Variants in EYS observed in about 807,000 individuals in gnomAD.
EYS encodes the protein protein eyes shut homolog.
EYS carries 250 observed loss-of-function variants against 282.1 expected under a neutral mutation model. The observed-to-expected ratio is 0.89, with a 90% CI of 0.80 to 0.98. EYS has a LOEUF of 0.98. Among genes scored for constraint, EYS ranks in the 50% least tolerant of loss-of-function variants. The probability of loss-of-function intolerance (pLI) is 0.00; values close to 1 mark genes in which losing one functional copy is unlikely to be tolerated. For synonymous variants in EYS, 1,355 were observed against 1,282.9 expected (o/e 1.06, Z -1.20); for missense variants, 4,016 against 3,709.0 (o/e 1.08, Z -2.15).
chr6:64,348,444 C>A (rs1352658271), intron 29 of EYS, among the ~76,000 whole-genome samples: 1 of 1,320 alleles, frequency 7.6e-4, no homozygotes, highest in East Asian at 0.5. Flanking sequence ...GAAGCCACTC[C>A]CATGGAAGTA....
intron 40 of EYS, among the ~76,000 whole-genome samples, chr6:63,774,316 C>T (rs1770006856): frequency 1.3e-5 from 2 of 151,926 alleles, no homozygotes; most frequent in Admixed American, 1.3e-4. Context: ...TTACAGGCAC[C>T]CACCACCACA....
intron 15 of EYS, among the ~76,000 whole-genome samples, chr6:64,941,321 A>G (rs1769083629): frequency 6.6e-6 from 1 of 152,084 alleles, no homozygotes; most frequent in Admixed American, 6.6e-5. Flanking sequence ...TGGAGGTTGC[A>G]GTGAGCCAAG....
At chr6:64,038,848 G>A (rs1159046452) in intron 33 of EYS, among the ~76,000 whole-genome samples, 2 of 150,132 alleles carry the variant, frequency 1.3e-5, no homozygotes, top group Non-Finnish European at 3.0e-5. Context: ...TCTGTAGCCC[G>A]GGCTGGAGTG....
intron 35 of EYS, among the ~76,000 whole-genome samples, chr6:63,946,750 C>A (rs1454696483): frequency 7.3e-6 from 1 of 136,132 alleles, no homozygotes. Flanking sequence ...TTTTTGGCTA[C>A]ATGAAAGAGT....
intron 31 of EYS, among the ~76,000 whole-genome samples, chr6:64,183,949 C>A (rs996944226): frequency 3.9e-5 from 6 of 151,948 alleles, no homozygotes; most frequent in Non-Finnish European, 8.8e-5. Context: ...ATTTCAATTT[C>A]TTGAGCTTTA....
At chr6:63,792,729 G>C (rs1770549037) in intron 37 of EYS, among the ~76,000 whole-genome samples, 1 of 151,584 alleles carries the variant, frequency 6.6e-6, no homozygotes, top group Admixed American at 6.6e-5. Context: ...AATAAGGCCT[G>C]ATTGGTATTA....
chr6:64,695,322 TC>T (rs1365325378), intron 22 of EYS, among the ~76,000 whole-genome samples: 1 of 152,208 alleles, frequency 6.6e-6, no homozygotes, highest in East Asian at 1.9e-4. Context: ...CTTGCACAGC[TC>T]ATTACAACAT....
intron 22 of EYS, among the ~76,000 whole-genome samples, chr6:64,633,848 G>C (rs777850018): frequency 6.6e-6 from 1 of 152,014 alleles, no homozygotes; most frequent in African/African-American, 2.4e-5. Flanking sequence ...ACCCCATGTG[G>C]GTCTTTATAT....
chr6:64,073,434 T>G (rs953843588), intron 32 of EYS, among the ~76,000 whole-genome samples: 1 of 151,796 alleles, frequency 6.6e-6, no homozygotes, highest in Non-Finnish European at 1.5e-5. Flanking sequence ...AACCCTAGGA[T>G]TCTATAAGTA....
intron 35 of EYS, among the ~76,000 whole-genome samples, chr6:63,891,202 TAGA>T (rs561443512): frequency 1.6e-4 from 24 of 151,988 alleles, no homozygotes; most frequent in African/African-American, 5.8e-4. Flanking sequence ...TTCTAAACAA[TAGA>T]AGAAGAGGGT....
At chr6:65,035,956 TTAA>T (rs1772756443) in intron 13 of EYS, among the ~76,000 whole-genome samples, 2 of 147,660 alleles carry the variant, frequency 1.4e-5, no homozygotes, top group South Asian at 2.1e-4. Flanking sequence ...TAATAATTTA[TTAA>T]TAAGTACTTT....
chr6:63,813,798 G>A (rs1429269511), intron 36 of EYS, among the ~76,000 whole-genome samples: 1 of 152,036 alleles, frequency 6.6e-6, no homozygotes, highest in Non-Finnish European at 1.5e-5. Flanking sequence ...GCAAGCAGAT[G>A]GTAGGTAGAT....
Position 64,910,527 on chromosome 6 carries a change from G to C in EYS, c.2641+1957C>G, listed in dbSNP as rs528148327. ...TGATGTGCATTTCAAGTATCTCTTT[G>C]TACTGAATCACAATCACAAAGGAAT... On this transcript the variant is annotated intron_variant, in intron 16 of 42. Transcript: ENST00000503581. Among the ~76,000 whole-genome samples the C allele has an allele frequency of 1.5e-4, 23 of 152,134 alleles. 1 individual carries two copies. The South Asian group carries it at 3.9e-3, about 26-fold the overall frequency.
At chr6:64,679,263 G>A (rs1376101197) in intron 22 of EYS, among the ~76,000 whole-genome samples, 1 of 152,002 alleles carries the variant, frequency 6.6e-6, no homozygotes, top group Admixed American at 6.6e-5. Flanking sequence ...GCATATGTGT[G>A]TGTTGCCCTT....
At chr6:65,555,524 CTT>C (rs1466454411) in intron 2 of EYS, among the ~76,000 whole-genome samples, 1 of 151,998 alleles carries the variant, frequency 6.6e-6, no homozygotes, top group African/African-American at 2.4e-5. Flanking sequence ...TTAATTTTCA[CTT>C]TGCATAAAAC....
chr6:64,201,342 A>G (rs973911768), intron 31 of EYS, among the ~76,000 whole-genome samples: 2 of 152,142 alleles, frequency 1.3e-5, no homozygotes, highest in Admixed American at 6.5e-5. Flanking sequence ...TTCTACTTCA[A>G]ATGAATCATA....
At chr6:65,657,958 C>T (rs1767884029) in intron 1 of EYS, among the ~76,000 whole-genome samples, 1 of 151,936 alleles carries the variant, frequency 6.6e-6, no homozygotes, top group African/African-American at 2.4e-5. Context: ...CCAGCACAAA[C>T]ATCATAACTT....
At chr6:64,896,967 T>C (rs1443045106) in intron 18 of EYS, among the ~76,000 whole-genome samples, 1 of 152,148 alleles carries the variant, frequency 6.6e-6, no homozygotes, top group East Asian at 1.9e-4. Flanking sequence ...CAGGGGCTTA[T>C]AGATAAAACT....
intron 12 of EYS, among the ~76,000 whole-genome samples, chr6:65,204,405 T>TAA (rs112984476): frequency 0.047 from 6,363 of 135,066 alleles, 182 homozygotes; most frequent in Non-Finnish European, 0.068. Flanking sequence ...TTAGCCTCCT[T>TAA]AAAAAAAAAA....
Sources: allele counts gnomAD v4.1 joint callset (sites outside exome capture counted in the v4.1 genomes callset), GRCh38; gene constraint gnomAD v4.1.1; transcripts MANE v1.5; gene names NCBI Gene and HGNC (gene_info 2026-07-23, HGNC 2026-07-21).